GDAP2: variants seen among roughly 807,000 people sequenced by gnomAD.
The protein encoded by GDAP2 is ganglioside induced differentiation associated protein 2.
Under a neutral mutation model 67.0 loss-of-function variants are expected in GDAP2, and 51 were observed. That is an observed-to-expected ratio of 0.76 (90% CI 0.61 to 0.96). The LOEUF (loss-of-function observed/expected upper bound fraction) is 0.96. Ranked by LOEUF, GDAP2 falls within the 40% of genes least tolerant of loss-of-function variation. The probability of loss-of-function intolerance (pLI) is 0.00; values close to 1 mark genes in which losing one functional copy is unlikely to be tolerated. For synonymous variants in GDAP2, 203 were observed against 207.3 expected (o/e 0.98, Z 0.18); for missense variants, 547 against 588.3 (o/e 0.93, Z 0.73).
chr1:117,883,740 C>A, intron 10 of GDAP2, 113 bp from the exon 11 acceptor site: 1 of 639,778 alleles, frequency 1.6e-6, no homozygotes, highest in Non-Finnish European at 2.6e-6. Context: ...ACTCTATGCC[C>A]TAGTCATCAT....
chr1:117,926,153 A>C (rs1006728547), intron 1 of GDAP2, among the ~76,000 whole-genome samples: 1 of 152,176 alleles, frequency 6.6e-6, no homozygotes, highest in African/African-American at 2.4e-5. Context: ...TTGTAGCTCT[A>C]CTTCCTCTTC....
At chr1:117,906,345 A>G (rs17037745) in intron 6 of GDAP2, among the ~76,000 whole-genome samples, 161 bp downstream of exon 6, 3,701 of 152,328 alleles carry the variant, frequency 0.024, 149 homozygotes, top group African/African-American at 0.083. Flanking sequence ...AGTTTCCAAT[A>G]TAGTCTTTTT....
In GDAP2 at chr1:117,920,230, C is replaced by A. The variant is rs1230703466; in HGVS notation, c.128G>T (p.Arg43Leu). ...TAEIFQEDTV[R>L]SPFLYNKDVN... ...GTCCTTATTATAAAGAAAAGGTGAT[C>A]GAACAGTGTCTTCCTGAAATATTTC... The change falls in exon 2 of 14, where the codon CGA (arginine) becomes CTA (leucine). Residue 43 changes from arginine (R) to leucine (L), a missense_variant. Coordinates refer to ENST00000369443, the MANE Select transcript of GDAP2 (RefSeq NM_017686.4). 2 of 1,608,218 alleles carry A rather than the reference C, an allele frequency of 1.2e-6. No individual in the cohort carries two copies. Among genetic ancestry groups the A allele is most frequent in the South Asian group, 2.2e-5 (2 of 90,326 alleles).
rs572134159 is a variant in GDAP2 at position 117,923,193 on chromosome 1, A to G, written c.-67-2769T>C. ...CAGATTTCATATTGTTTAAACACAC[A>G]TGCTCTACAAACAATTTGTGCAGTT... On this transcript the variant is annotated intron_variant, in intron 1 of 13. Coordinates refer to ENST00000369443, the MANE Select transcript of GDAP2 (RefSeq NM_017686.4). Among the ~76,000 whole-genome samples the G allele has an allele frequency of 2.6e-5, 4 of 152,306 alleles. No individual in the cohort carries two copies. The South Asian group carries it at 8.3e-4, about 32-fold the overall frequency.
intron 13 of GDAP2, among the ~76,000 whole-genome samples, chr1:117,873,643 C>T (rs888559337): frequency 6.6e-6 from 1 of 152,098 alleles, no homozygotes; most frequent in African/African-American, 2.4e-5. Flanking sequence ...GCATCTCAAA[C>T]CTACTGTGTC....
intron 6 of GDAP2, among the ~76,000 whole-genome samples, chr1:117,901,323 A>G (rs942306895): frequency 1.3e-5 from 2 of 152,148 alleles, no homozygotes; most frequent in African/African-American, 4.8e-5. Flanking sequence ...GCTACTACAG[A>G]TATTTGTGTA....
At chr1:117,901,441 G>A (rs910390165) in intron 6 of GDAP2, among the ~76,000 whole-genome samples, 4 of 152,178 alleles carry the variant, frequency 2.6e-5, no homozygotes, top group Non-Finnish European at 4.4e-5. Flanking sequence ...TGAACTGCCA[G>A]ACTGTTTTCC....
chr1:117,915,679 A>T (rs925191087), intron 3 of GDAP2, among the ~76,000 whole-genome samples: 1 of 152,242 alleles, frequency 6.6e-6, no homozygotes, highest in African/African-American at 2.4e-5. Flanking sequence ...ACAGGTTCAT[A>T]CAACAAACAA....
intron 8 of GDAP2, among the ~76,000 whole-genome samples, chr1:117,893,694 A>G (rs1052567305): frequency 6.6e-6 from 1 of 152,206 alleles, no homozygotes; most frequent in Admixed American, 6.5e-5. Flanking sequence ...CTGAGCATGC[A>G]AACAGTTGAC....
At chr1:117,917,043 A>T (rs1431853789) in intron 3 of GDAP2, among the ~76,000 whole-genome samples, 1 of 152,048 alleles carries the variant, frequency 6.6e-6, no homozygotes, top group African/African-American at 2.4e-5. Flanking sequence ...CAGGAAAAAA[A>T]AAAAAAGAAA....
At chr1:117,874,617 G>A (rs1316298126) in intron 13 of GDAP2, among the ~76,000 whole-genome samples, 1 of 152,186 alleles carries the variant, frequency 6.6e-6, no homozygotes, top group Non-Finnish European at 1.5e-5. Context: ...AAAGAGACCT[G>A]AAAATGTGGA....
intron 6 of GDAP2, among the ~76,000 whole-genome samples, chr1:117,905,423 C>T (rs74113086): frequency 0.024 from 3,706 of 152,196 alleles, 149 homozygotes; most frequent in African/African-American, 0.083. Context: ...CTTGTATGAC[C>T]GCTGTCATTT....
At chr1:117,927,359 A>C (rs1650487134) in intron 1 of GDAP2, among the ~76,000 whole-genome samples, 1 of 152,192 alleles carries the variant, frequency 6.6e-6, no homozygotes, top group Non-Finnish European at 1.5e-5. Flanking sequence ...ACCTTGGATC[A>C]CCATCTCAAA....
chr1:117,925,988 C>G (rs565482691), intron 1 of GDAP2, among the ~76,000 whole-genome samples: 1 of 152,332 alleles, frequency 6.6e-6, no homozygotes, highest in South Asian at 2.1e-4. Flanking sequence ...AGTGTTACAA[C>G]ATAAATTCTC....
intron 5 of GDAP2, among the ~76,000 whole-genome samples, chr1:117,910,625 G>T (rs1285433419): frequency 3.9e-5 from 6 of 152,024 alleles, no homozygotes; most frequent in African/African-American, 1.2e-4. Flanking sequence ...TCAGCTCTTC[G>T]ACTTTAAATT....
intron 13 of GDAP2, among the ~76,000 whole-genome samples, chr1:117,876,438 T>C (rs1648457900): frequency 6.6e-6 from 1 of 152,098 alleles, no homozygotes; most frequent in African/African-American, 2.4e-5. Context: ...AATCTATTCT[T>C]TATACTTAGC....
intron 7 of GDAP2, among the ~76,000 whole-genome samples, chr1:117,898,330 A>T (rs1295161394): frequency 1.3e-5 from 2 of 152,200 alleles, no homozygotes; most frequent in Non-Finnish European, 2.9e-5. Flanking sequence ...ACATTTCCTG[A>T]TGTTAGACCA....
chr1:117,922,790 C>T (rs939828317), intron 1 of GDAP2, among the ~76,000 whole-genome samples: 4 of 152,294 alleles, frequency 2.6e-5, no homozygotes, highest in African/African-American at 7.2e-5. Context: ...TTCCATGTCC[C>T]GCTGTGCACG....
chr1:117,903,028 C>G (rs1464066195), intron 6 of GDAP2, among the ~76,000 whole-genome samples: 5 of 152,084 alleles, frequency 3.3e-5, no homozygotes, highest in Admixed American at 2.0e-4. Context: ...TGATGCTACT[C>G]TAAGTAGAAC....
Sources: allele counts gnomAD v4.1 joint callset (sites outside exome capture counted in the v4.1 genomes callset), GRCh38; gene constraint gnomAD v4.1.1; transcripts MANE v1.5; gene names NCBI Gene and HGNC (gene_info 2026-07-23, HGNC 2026-07-21).